GABRR3: variants seen among roughly 807,000 people sequenced by gnomAD.
The protein encoded by GABRR3 is gamma-aminobutyric acid type A receptor subunit rho3, also known as gamma-aminobutyric acid receptor subunit rho-3.
GABRR3 carries 29 observed loss-of-function variants against 43.2 expected under a neutral mutation model. That is an observed-to-expected ratio of 0.67 (90% CI 0.50 to 0.92). The LOEUF (loss-of-function observed/expected upper bound fraction) is 0.92. GABRR3 is among the 40% of genes least tolerant of loss of function. The probability of loss-of-function intolerance (pLI) is 0.00; values close to 1 mark genes in which losing one functional copy is unlikely to be tolerated. For synonymous variants in GABRR3, 206 were observed against 195.9 expected (o/e 1.05, Z -0.43); for missense variants, 576 against 572.3 (o/e 1.01, Z -0.07).
chr3:98,006,574 T>G (rs140682833), intron 7 of GABRR3, among the ~76,000 whole-genome samples: 4 of 152,310 alleles, frequency 2.6e-5, no homozygotes, highest in Non-Finnish European at 5.9e-5. Context: ...GTGGAGAATC[T>G]TTGAGGAGAA....
intron 8 of GABRR3, among the ~76,000 whole-genome samples, chr3:97,996,317 C>A (rs1371958589): frequency 6.6e-6 from 1 of 152,162 alleles, no homozygotes; most frequent in Non-Finnish European, 1.5e-5. Context: ...GACATTCCAA[C>A]ATTGCTCTAT....
At chr3:98,030,895 A>G (rs528208307) in intron 2 of GABRR3, among the ~76,000 whole-genome samples, 1 of 152,340 alleles carries the variant, frequency 6.6e-6, no homozygotes, top group South Asian at 2.1e-4. Flanking sequence ...CTATTAGGCT[A>G]TATACATGGA....
exon 10 of GABRR3, chr3:97,986,689 A>G (rs1326721221): frequency 1.3e-6 from 2 of 1,531,060 alleles, no homozygotes; most frequent in South Asian, 1.2e-5. Flanking sequence ...CCCTTCATAC[A>G]TATACACCCC....
chr3:98,026,538 A>G (rs2107249904), intron 2 of GABRR3, among the ~76,000 whole-genome samples: 1 of 152,022 alleles, frequency 6.6e-6, no homozygotes, highest in South Asian at 2.1e-4. Context: ...CTCCTTTGTG[A>G]GCAACTTGCA....
At chr3:98,021,704 A>G (rs979106112) in intron 3 of GABRR3, among the ~76,000 whole-genome samples, 6 of 152,224 alleles carry the variant, frequency 3.9e-5, no homozygotes, top group Admixed American at 6.5e-5. Flanking sequence ...AATATTAACC[A>G]TTACGATGAT....
intron 2 of GABRR3, among the ~76,000 whole-genome samples, chr3:98,026,232 C>T (rs897732137): frequency 5.9e-5 from 9 of 152,136 alleles, no homozygotes; most frequent in Non-Finnish European, 1.0e-4. Context: ...GAGAGCGCAC[C>T]GGGCAGAATT....
intron 5 of GABRR3, among the ~76,000 whole-genome samples, chr3:98,009,558 A>G (rs1240166495): frequency 6.6e-6 from 1 of 152,230 alleles, no homozygotes; most frequent in Non-Finnish European, 1.5e-5. Flanking sequence ...TGCACAATGC[A>G]TAATTCAGGT....
exon 8 of GABRR3, chr3:98,001,689 G>A: frequency 1.2e-6 from 2 of 1,613,282 alleles, no homozygotes; most frequent in Non-Finnish European, 1.7e-6. Context: ...CATCAATATG[G>A]CTGGGAAATA....
At chr3:97,989,713 C>T (rs574749221) in intron 9 of GABRR3, among the ~76,000 whole-genome samples, 13 of 152,058 alleles carry the variant, frequency 8.5e-5, no homozygotes, top group South Asian at 2.1e-4. Flanking sequence ...ATTTGGTGTC[C>T]GCATTGGTGT....
intron 8 of GABRR3, among the ~76,000 whole-genome samples, chr3:97,993,313 C>G (rs775359489): frequency 1.2e-4 from 19 of 152,164 alleles, no homozygotes; most frequent in Non-Finnish European, 1.9e-4. Context: ...AAAACAGAGT[C>G]TGACTTTTCT....
intron 4 of GABRR3, among the ~76,000 whole-genome samples, chr3:98,014,936 A>G (rs575112863): frequency 3.9e-5 from 6 of 152,322 alleles, no homozygotes; most frequent in African/African-American, 1.2e-4. Flanking sequence ...TTAAATTTTA[A>G]CACTCTGAAA....
At chr3:98,015,456 G>A (rs1231478439) in intron 4 of GABRR3, among the ~76,000 whole-genome samples, 4 of 152,098 alleles carry the variant, frequency 2.6e-5, no homozygotes, top group Admixed American at 6.5e-5. Flanking sequence ...TTGGCCTCCC[G>A]AAGTGCTGGG....
intron 8 of GABRR3, among the ~76,000 whole-genome samples, chr3:97,993,883 G>A (rs991111826): frequency 1.3e-5 from 2 of 151,964 alleles, no homozygotes; most frequent in African/African-American, 4.8e-5. Context: ...GAAGATCAAG[G>A]TTCCAGGGGG....
chr3:97,996,791 T>C (rs1706566997), intron 8 of GABRR3, among the ~76,000 whole-genome samples: 2 of 152,206 alleles, frequency 1.3e-5, no homozygotes, highest in Admixed American at 1.3e-4. Flanking sequence ...GTAGCTATTA[T>C]CTCTTATGAG....
At chr3:98,007,669 C>T in intron 7 of GABRR3, 95 bp downstream of exon 7, 2 of 1,363,340 alleles carry the variant, frequency 1.5e-6, no homozygotes, top group South Asian at 2.5e-5. Flanking sequence ...AAAGGGGACA[C>T]TCGCTTGGAT....
chr3:98,027,955 AC>A (rs1667374069), intron 2 of GABRR3, among the ~76,000 whole-genome samples: 1 of 151,032 alleles, frequency 6.6e-6, no homozygotes, highest in African/African-American at 2.4e-5. Flanking sequence ...TTTAAAAAAA[AC>A]TACTATCTCC....
exon 10 of GABRR3, chr3:97,986,753 G>T (rs1196402492): frequency 1.9e-6 from 3 of 1,598,536 alleles, no homozygotes; most frequent in African/African-American, 1.3e-5. Flanking sequence ...CCTAGAATAG[G>T]TGTCAATGAC....
intron 5 of GABRR3, among the ~76,000 whole-genome samples, chr3:98,010,515 T>A (rs765857018): frequency 8.4e-4 from 128 of 152,280 alleles, no homozygotes; most frequent in Middle Eastern, 3.4e-3. Context: ...ATCACATTGT[T>A]AGCAGAAACC....
At chr3:97,996,250 A>C (rs1706552183) in intron 8 of GABRR3, among the ~76,000 whole-genome samples, 2 of 152,286 alleles carry the variant, frequency 1.3e-5, no homozygotes, top group South Asian at 4.1e-4. Context: ...AATATTTTTC[A>C]TATAGGCCTA....
Sources: gnomAD v4.1 joint callset for allele counts (sites outside exome capture counted in the v4.1 genomes callset) on GRCh38, gnomAD v4.1.1 for gene constraint, MANE v1.5 for transcripts, NCBI Gene and HGNC (gene_info 2026-07-23, HGNC 2026-07-21) for gene names.